The following COL23A1 variants were observed in gnomAD, a reference collection of about 807,000 sequenced individuals.
The protein encoded by COL23A1 is collagen type XXIII alpha 1 chain, also known as collagen alpha-1(XXIII) chain.
COL23A1 carries 97 observed loss-of-function variants against 99.3 expected under a neutral mutation model. That is an observed-to-expected ratio of 0.98 (90% CI 0.83 to 1.16). The LOEUF (loss-of-function observed/expected upper bound fraction) is 1.16. COL23A1 is among the 50% of genes most tolerant of loss of function. The pLI is 0.00. For synonymous variants in COL23A1, 320 were observed against 308.2 expected, an observed-to-expected ratio of 1.04 and a Z score of -0.40; for missense variants, 762 against 757.4, an observed-to-expected ratio of 1.01 and a Z score of -0.07.
At chr5:178,262,548 G>T (rs1395593325) in intron 9 of COL23A1, among the ~76,000 whole-genome samples, 2 of 152,122 alleles carry the variant, frequency 1.3e-5, no homozygotes, top group African/African-American at 4.8e-5. Flanking sequence ...GTGGCAGTCT[G>T]GTGGTGGCAT....
In COL23A1 at chr5:178,262,083, TACATGCAGAGGCGCGCGCACACACATAA is replaced by T. The variant is rs1391055033; in HGVS notation, c.675+106_675+133del. Reference sequence around the variant, plus strand: ...AGGGGTCCACACACATGCAGACACGTACATGCAGAGGCGCGCGCACACACATAAACATGTGCGCGTGACCCTGCTGTCG... The same window carrying T: ...AGGGGTCCACACACATGCAGACACGTACATGTGCGCGTGACCCTGCTGTCG... On this transcript the variant is annotated intron_variant, in intron 10 of 28. Transcript: ENST00000390654. The T allele has an allele frequency of 3.2e-5, 32 of 986,798 alleles. No individual in the cohort carries two copies. In the East Asian group the frequency reaches 8.1e-4, roughly 25 times the overall value. 61.1% of individuals were successfully genotyped at this position (986,798 alleles called of 1,614,324 possible). A position where few individuals can be genotyped will look rare whatever the true frequency, so the allele number is the denominator to read the frequency against.
chr5:178,557,428 T>C (rs531059634), intron 2 of COL23A1, among the ~76,000 whole-genome samples: 4 of 152,282 alleles, frequency 2.6e-5, no homozygotes, highest in Non-Finnish European at 4.4e-5. Flanking sequence ...TGAGGATGGG[T>C]GCAAGGCTCA....
intron 5 of COL23A1, among the ~76,000 whole-genome samples, chr5:178,282,890 T>C (rs1561822915): frequency 6.6e-6 from 1 of 151,778 alleles, no homozygotes; most frequent in East Asian, 1.9e-4. Context: ...TTTTGAGACA[T>C]GGTCTCGCTC....
In COL23A1 at chr5:178,308,646, T is replaced by A. The variant is rs909449653; in HGVS notation, c.362-1727A>T. 6.6e-6 allele frequency among the ~76,000 whole-genome samples: 1 copy of A among 152,110 alleles called. No homozygotes were observed. Among genetic ancestry groups the A allele is most frequent in the Admixed American group, 6.6e-5 (1 of 15,262 alleles). On this transcript the variant is annotated intron_variant, in intron 2 of 28. Coordinates refer to ENST00000390654, the MANE Select transcript of COL23A1 (RefSeq NM_173465.4). The surrounding 1 kb of genome is among the most constrained non-coding windows in gnomAD (Gnocchi z 5.1). ...CACTGTCCGGCCAATTACCTTCCTA[T>A]CTCCACGTGCTTGTCCCACCAGCAT... is the stretch of plus-strand genomic sequence containing the variant.
At chr5:178,550,842 G>A (rs1035377879) in intron 2 of COL23A1, among the ~76,000 whole-genome samples, 4 of 152,148 alleles carry the variant, frequency 2.6e-5, no homozygotes, top group African/African-American at 9.7e-5. Context: ...GACAGCTCTG[G>A]TCTTGTCTTC....
chr5:178,566,543 T>C (rs1247534857), intron 1 of COL23A1, among the ~76,000 whole-genome samples: 1 of 152,016 alleles, frequency 6.6e-6, no homozygotes, highest in East Asian at 1.9e-4. Flanking sequence ...TGGCCAGGTG[T>C]GGTGGCTCGC....
At chr5:178,478,667 A>T (rs1757161480) in intron 2 of COL23A1, among the ~76,000 whole-genome samples, 3 of 152,094 alleles carry the variant, frequency 2.0e-5, no homozygotes. Flanking sequence ...TGGAGAAATC[A>T]AGTTAATGTT....
intron 5 of COL23A1, among the ~76,000 whole-genome samples, chr5:178,277,720 C>T (rs1174394048): frequency 6.6e-6 from 1 of 152,374 alleles, no homozygotes; most frequent in East Asian, 1.9e-4. Flanking sequence ...CATGTATGTC[C>T]ATGTCACACA....
At chr5:178,245,194 C>T (rs1764612047) in intron 25 of COL23A1, among the ~76,000 whole-genome samples, 1 of 150,386 alleles carries the variant, frequency 6.6e-6, no homozygotes, top group African/African-American at 2.5e-5. Flanking sequence ...CATCATCATC[C>T]ATCCATTCAC....
At chr5:178,295,317 T>C (rs1450907869) in intron 3 of COL23A1, among the ~76,000 whole-genome samples, 2 of 152,206 alleles carry the variant, frequency 1.3e-5, no homozygotes, top group African/African-American at 4.8e-5. Flanking sequence ...TCCAAAGATA[T>C]GAATGAAGAG....
rs1758449839 is a variant in COL23A1 at position 178,307,910 on chromosome 5, CTCAAACCCCG to C, written c.362-1001_362-992del. Among the ~76,000 whole-genome samples, 1 of 152,226 alleles carries C rather than the reference CTCAAACCCCG, an allele frequency of 6.6e-6. No homozygotes were observed. The highest frequency in any genetic ancestry group is 6.5e-5 in the Admixed American group (1 of 15,286). ...ACTGCCCTTTCCTGCAAAAGCCAAC[CTCAAACCCCG>C]TCAAGAATTTCCAGAACAACCACGA... On this transcript the variant is annotated intron_variant, in intron 2 of 28. Coordinates refer to ENST00000390654, the MANE Select transcript of COL23A1 (RefSeq NM_173465.4). This position sits in a 1 kb window ranked among gnomAD's most constrained non-coding sequence, Gnocchi z 4.2.
At chr5:178,339,216 C>G (rs1387146295) in intron 2 of COL23A1, among the ~76,000 whole-genome samples, 1 of 152,208 alleles carries the variant, frequency 6.6e-6, no homozygotes, top group East Asian at 1.9e-4. Context: ...TGGGGCCATA[C>G]AGAACAAACC....
chr5:178,468,690 C>T lies in COL23A1; in HGVS notation c.361+91992G>A, dbSNP rs74328782. 3.3e-5 allele frequency among the ~76,000 whole-genome samples: 5 copies of T among 152,272 alleles called. No individual in the cohort carries two copies. In the East Asian group the frequency reaches 9.7e-4, roughly 29 times the overall value. ...AGCTCTCCTCAACTGTGTTCTGGGGCACAGGACCCCACATTTAATTTATAA... is the reference window on the plus strand; with the variant it reads ...AGCTCTCCTCAACTGTGTTCTGGGGTACAGGACCCCACATTTAATTTATAA... On this transcript the variant is annotated intron_variant, in intron 2 of 28. Transcript: ENST00000390654. The surrounding 1 kb of genome is among the most constrained non-coding windows in gnomAD (Gnocchi z 4.2).
chr5:178,294,912 C>T (rs1277126452), intron 3 of COL23A1, among the ~76,000 whole-genome samples: 1 of 152,240 alleles, frequency 6.6e-6, no homozygotes, highest in African/African-American at 2.4e-5. Context: ...GAGGCCGAGG[C>T]AGGCGGATCA....
At chr5:178,389,920 C>T (rs1763874804) in intron 2 of COL23A1, among the ~76,000 whole-genome samples, 2 of 152,202 alleles carry the variant, frequency 1.3e-5, no homozygotes, top group South Asian at 2.1e-4. Flanking sequence ...TGCCAAGACA[C>T]CGGTAAGCTC....
intron 2 of COL23A1, among the ~76,000 whole-genome samples, chr5:178,408,362 T>C (rs1371591433): frequency 1.3e-5 from 2 of 152,148 alleles, no homozygotes; most frequent in Non-Finnish European, 2.9e-5. Context: ...AGAAGGAATA[T>C]TGGAACATCA....
chr5:178,332,188 C>T (rs767124104), intron 2 of COL23A1, among the ~76,000 whole-genome samples: 16 of 152,196 alleles, frequency 1.1e-4, no homozygotes, highest in East Asian at 1.9e-4. Flanking sequence ...TTGGAGTGGT[C>T]GTCTGCAGCT....
intron 2 of COL23A1, among the ~76,000 whole-genome samples, chr5:178,552,651 G>A (rs887374775): frequency 2.0e-5 from 3 of 150,906 alleles, no homozygotes; most frequent in African/African-American, 4.9e-5. Context: ...TTTGAAAGCA[G>A]GAGTTCGAGA....
intron 2 of COL23A1, among the ~76,000 whole-genome samples, chr5:178,421,428 C>T (rs17081205): frequency 0.17 from 25,205 of 151,418 alleles, 3,796 homozygotes; most frequent in African/African-American, 0.4. Flanking sequence ...GTAGGGAAAC[C>T]GAATTTGGTA....
Sources: allele counts gnomAD v4.1 joint callset (sites outside exome capture counted in the v4.1 genomes callset), GRCh38; gene constraint gnomAD v4.1.1; non-coding constraint Gnocchi (gnomAD v3.1); transcripts MANE v1.5; gene names NCBI Gene and HGNC (gene_info 2026-07-23, HGNC 2026-07-21).